The following LRMDA variants were observed in gnomAD, a reference collection of about 807,000 sequenced individuals.
The protein encoded by LRMDA is leucine rich melanocyte differentiation associated, also known as leucine-rich melanocyte differentiation-associated protein.
In LRMDA, 18 loss-of-function variants were observed where a neutral mutation model predicts 29.8. The ratio of observed to expected loss-of-function variants is 0.60; its 90% CI spans 0.42 to 0.90. The LOEUF (loss-of-function observed/expected upper bound fraction) is 0.90, where lower values mean the gene tolerates loss of function less well. Ranked by LOEUF, LRMDA falls within the 40% of genes least tolerant of loss-of-function variation. The probability of loss-of-function intolerance (pLI) is 0.00; values close to 1 mark genes in which losing one functional copy is unlikely to be tolerated. For missense variants in LRMDA, 273 were observed against 273.9 expected (o/e 1.00, Z 0.02); for synonymous variants, 125 against 109.4 (o/e 1.14, Z -0.89).
At chr10:75,814,218 G>A (rs747717895) in intron 2 of LRMDA, among the ~76,000 whole-genome samples, 5 of 152,184 alleles carry the variant, frequency 3.3e-5, no homozygotes, top group Non-Finnish European at 7.3e-5. Context: ...AGCAGGTATT[G>A]ATCTTGTTTT....
chr10:75,931,622 A>G (rs1336414916), intron 2 of LRMDA, among the ~76,000 whole-genome samples: 1 of 152,196 alleles, frequency 6.6e-6, no homozygotes, highest in African/African-American at 2.4e-5. Flanking sequence ...CAGAATCTGT[A>G]TTATTTCCTT....
chr10:76,492,540 C>G (rs528935432), intron 6 of LRMDA, among the ~76,000 whole-genome samples: 1 of 152,200 alleles, frequency 6.6e-6, no homozygotes, highest in East Asian at 1.9e-4. Context: ...TTCTCCCAAA[C>G]AAATGGAGTT....
intron 5 of LRMDA, among the ~76,000 whole-genome samples, chr10:76,214,414 G>A (rs1024360395): frequency 4.4e-5 from 6 of 137,722 alleles, no homozygotes; most frequent in Admixed American, 8.1e-5. Flanking sequence ...GCGCAATCTC[G>A]GCTCACTGTA....
chr10:76,464,987 C>T (rs1380804006), intron 6 of LRMDA: 2 of 152,172 alleles, frequency 1.3e-5, no homozygotes, highest in Non-Finnish European at 2.9e-5. Context: ...TGTGGGCACA[C>T]AGAAGAAGCA....
Position 75,870,825 on chromosome 10 carries a change from T to C in LRMDA, c.132-165183T>C, listed in dbSNP as rs182259635. Among the ~76,000 whole-genome samples, 880 of 152,336 alleles carry C rather than the reference T, an allele frequency of 5.8e-3. 10 individuals carry two copies. The highest frequency in any genetic ancestry group is 0.02 in the African/African-American group (847 of 41,562). On this transcript the variant is annotated intron_variant, in intron 2 of 6. Coordinates refer to ENST00000611255, the MANE Select transcript of LRMDA (RefSeq NM_001305581.2). ...ATATTTACCCCTGTCTCCATGCCGA[T>C]GATTTCCAGTTCACTGTCTCCCCAG...
chr10:76,535,948 T>C (rs1158977933), intron 6 of LRMDA: 1 of 152,182 alleles, frequency 6.6e-6, no homozygotes, highest in African/African-American at 2.4e-5. Context: ...CAGCTAATTT[T>C]GTATTTTTAG....
At chr10:76,212,822 G>A (rs775178717) in intron 5 of LRMDA, among the ~76,000 whole-genome samples, 30 of 152,162 alleles carry the variant, frequency 2.0e-4, no homozygotes, top group Non-Finnish European at 3.5e-4. Flanking sequence ...CAGTGTAGGT[G>A]GAAGTGACTT....
At chr10:75,923,969 G>C (rs1846072611) in intron 2 of LRMDA, among the ~76,000 whole-genome samples, 1 of 152,148 alleles carries the variant, frequency 6.6e-6, no homozygotes. Context: ...CATTTCCTCG[G>C]ATTATCATCA....
At chr10:76,421,852 A>G (rs1334896381) in intron 6 of LRMDA, among the ~76,000 whole-genome samples, 3 of 152,144 alleles carry the variant, frequency 2.0e-5, no homozygotes, top group Non-Finnish European at 4.4e-5. Context: ...GCCACATGAT[A>G]TTTCATACTT....
intron 5 of LRMDA, among the ~76,000 whole-genome samples, chr10:76,297,675 G>C (rs896596721): frequency 1.3e-5 from 2 of 152,138 alleles, no homozygotes; most frequent in African/African-American, 2.4e-5. Context: ...CTAAATATGG[G>C]CAGCTGGTTT....
At chr10:76,410,074 G>A (rs1469123470) in intron 6 of LRMDA, among the ~76,000 whole-genome samples, 1 of 152,130 alleles carries the variant, frequency 6.6e-6, no homozygotes, top group Non-Finnish European at 1.5e-5. Context: ...TGGGGGAACA[G>A]CATGTATAAT....
At chr10:76,101,573 T>C (rs184216422) in intron 5 of LRMDA, among the ~76,000 whole-genome samples, 14 of 152,160 alleles carry the variant, frequency 9.2e-5, no homozygotes, top group African/African-American at 3.1e-4. Flanking sequence ...TCTGTCTCTA[T>C]TAAAAACACA....
chr10:75,902,686 C>T (rs1403583688), intron 2 of LRMDA, among the ~76,000 whole-genome samples: 1 of 152,156 alleles, frequency 6.6e-6, no homozygotes, highest in Non-Finnish European at 1.5e-5. Context: ...TTAATAAATA[C>T]TAGATAGAGA....
At chr10:75,443,087 A>G (rs1233537014) in intron 2 of LRMDA, among the ~76,000 whole-genome samples, 1 of 152,022 alleles carries the variant, frequency 6.6e-6, no homozygotes, top group Admixed American at 6.6e-5. Context: ...GAATTTGTTT[A>G]TTCTAACAGT....
chr10:75,865,613 A>T (rs1029649678), intron 2 of LRMDA, among the ~76,000 whole-genome samples: 5 of 152,150 alleles, frequency 3.3e-5, no homozygotes, highest in African/African-American at 1.2e-4. Context: ...GTTTAGAAAA[A>T]ATTTGTTTGT....
At chr10:76,171,428 C>T (rs559930272) in intron 5 of LRMDA, among the ~76,000 whole-genome samples, 5 of 152,330 alleles carry the variant, frequency 3.3e-5, no homozygotes, top group Non-Finnish European at 7.3e-5. Flanking sequence ...CGTGAGCCAC[C>T]ACACCCAGCC....
chr10:76,273,982 A>T (rs1340183941), intron 5 of LRMDA, among the ~76,000 whole-genome samples: 1 of 151,934 alleles, frequency 6.6e-6, no homozygotes, highest in Non-Finnish European at 1.5e-5. Context: ...ACAGAGCAGG[A>T]TTTACTTTTT....
rs141917646 is a variant in LRMDA at position 75,691,037 on chromosome 10, A to G, written c.131+252543A>G. ...CACACACACACACACACATATATAT[A>G]TTGCAGATGTGGCAGATATATATCT... On this transcript the variant is annotated intron_variant, in intron 2 of 6. Coordinates refer to ENST00000611255, the MANE Select transcript of LRMDA (RefSeq NM_001305581.2). 4.2e-3 allele frequency among the ~76,000 whole-genome samples: 593 copies of G among 141,376 alleles called. 32 individuals carry two copies. In the East Asian group the frequency reaches 0.081, roughly 19 times the overall value. The allele number at this position is 141,376 out of a possible 152,430, so 92.7% of individuals were successfully genotyped here. A position where few individuals can be genotyped will look rare whatever the true frequency, so the allele number is the denominator to read the frequency against.
intron 2 of LRMDA, among the ~76,000 whole-genome samples, chr10:75,522,718 A>G (rs1162953763): frequency 6.6e-6 from 1 of 152,240 alleles, no homozygotes; most frequent in Non-Finnish European, 1.5e-5. Flanking sequence ...GGGGCTGAGC[A>G]TAGAGAAGTC....
Sources: allele counts gnomAD v4.1 joint callset (sites outside exome capture counted in the v4.1 genomes callset), GRCh38; gene constraint gnomAD v4.1.1; transcripts MANE v1.5; gene names NCBI Gene and HGNC (gene_info 2026-07-23, HGNC 2026-07-21).